BCOR: variants seen among roughly 807,000 people sequenced by gnomAD.
BCOR encodes the protein BCL6 corepressor.
Under a neutral mutation model 86.7 loss-of-function variants are expected in BCOR, and 10 were observed. The observed-to-expected ratio is 0.12, with a 90% CI of 0.07 to 0.20. The LOEUF (loss-of-function observed/expected upper bound fraction) is 0.20, where lower values mean the gene tolerates loss of function less well. BCOR is among the 10% of genes least tolerant of loss of function. The pLI, the probability that BCOR is intolerant of heterozygous loss-of-function variation, is 1.00. For synonymous variants in BCOR, 611 were observed against 609.0 expected, an observed-to-expected ratio of 1.00 and a Z score of -0.05; for missense variants, 1,259 against 1,452.1, an observed-to-expected ratio of 0.87 and a Z score of 2.16.
intron 3 of BCOR, 93 bp downstream of exon 3, chrX:40,076,361 T>G: frequency 2.9e-6 from 2 of 698,529 alleles, no homozygotes; most frequent in Non-Finnish European, 4.4e-6. Context: ...CCCTCCCCCA[T>G]TCCCCACCCT....
At chrX:40,175,985 C>A (rs1430932296) in intron 1 of BCOR, among the ~76,000 whole-genome samples, 3 of 112,725 alleles carry the variant, frequency 2.7e-5, no homozygotes, top group Admixed American at 9.3e-5. Context: ...AGGGAGAGTA[C>A]ATTTCGGGCC....
intron 3 of BCOR, 42 bp downstream of exon 3, chrX:40,076,412 G>A (rs752539023): frequency 3.1e-6 from 3 of 967,004 alleles, no homozygotes; most frequent in Non-Finnish European, 4.4e-6. Flanking sequence ...ACAGATCACT[G>A]ATATGCAGAT....
chrX:40,085,334 G>A (rs1936309989), intron 1 of BCOR, among the ~76,000 whole-genome samples: 1 of 112,703 alleles, frequency 8.9e-6, no homozygotes, highest in Admixed American at 9.4e-5. Context: ...AAGAGAGCTG[G>A]AAGGAGGGAA....
intron 1 of BCOR, among the ~76,000 whole-genome samples, chrX:40,092,616 A>G (rs1343654845): frequency 9.0e-6 from 1 of 111,390 alleles, no homozygotes; most frequent in Non-Finnish European, 1.9e-5. Flanking sequence ...ACTGACCACA[A>G]AGTGGAAAGC....
At chrX:40,143,317 G>A (rs1175601368) in intron 1 of BCOR, among the ~76,000 whole-genome samples, 2 of 111,837 alleles carry the variant, frequency 1.8e-5, no homozygotes, top group African/African-American at 6.5e-5. Flanking sequence ...TTTCTCTTCT[G>A]TTTCTAGCCC....
chrX:40,052,322 T>G lies in BCOR; in HGVS notation c.5055A>C (p.Pro1685=). 1 of 1,211,981 alleles carries G rather than the reference T, an allele frequency of 8.3e-7. No individual in the cohort carries two copies. The highest frequency in any genetic ancestry group is 1.1e-6 in the Non-Finnish European group (1 of 895,420). ...CTGCAATGGTGACAATTTCCACGTTTGGAAAATTGCAGCGAAATATGCGGG... is the reference window on the plus strand; with the variant it reads ...CTGCAATGGTGACAATTTCCACGTTGGGAAAATTGCAGCGAAATATGCGGG... ...MSSRIFRCNF[P]NVEIVTIAEA... Residue 1685 remains proline, a synonymous_variant, in exon 15 of 15, where the codon CCA becomes CCC. Transcript: ENST00000378444.
Position 40,097,449 on chromosome X carries a change from C to CCT in BCOR, c.-276_-275insAG, listed in dbSNP as rs1254481993. On this transcript the variant is annotated 5_prime_UTR_variant, in exon 1 of 15. Transcript: ENST00000378444. ...GCTGCCCGCAGCCCGCTCGCGGCGCCGCGCTCACTCGACTCCCTCGCCGTC... is the reference window on the plus strand; with the variant it reads ...GCTGCCCGCAGCCCGCTCGCGGCGCCCTGCGCTCACTCGACTCCCTCGCCGTC... 2 of 106,614 alleles carry CCT rather than the reference C, an allele frequency of 1.9e-5. No individual in the cohort carries two copies. Among genetic ancestry groups the CCT allele is most frequent in the African/African-American group, 6.8e-5 (2 of 29,620 alleles). 8.8% of individuals were successfully genotyped at this position (106,614 alleles called of 1,213,427 possible). A position where few individuals can be genotyped will look rare whatever the true frequency, so the allele number is the denominator to read the frequency against.
rs145663957 is a variant in BCOR at position 40,111,353 on chromosome X, A to G, written c.-40-33384T>C. 3.4e-3 allele frequency among the ~76,000 whole-genome samples: 376 copies of G among 111,433 alleles called. 1 individual carries two copies. The highest frequency in any genetic ancestry group is 0.012 in the African/African-American group (360 of 30,590). ...GTTCCCTATTTATCTGTTTCCCTGT[A>G]CACCTGGACTTCTTGAAAGAGGTGT... On this transcript the variant is annotated intron_variant, in intron 1 of 14. Transcript: ENST00000342274.
chrX:40,098,337 C>G (rs1371175104), upstream of BCOR, among the ~76,000 whole-genome samples: 1 of 109,749 alleles, frequency 9.1e-6, no homozygotes, highest in East Asian at 2.9e-4. Context: ...CTCCTCGTCC[C>G]CCGGCCTCCC....
At chrX:40,174,769 G>A (rs764486878) in intron 1 of BCOR, among the ~76,000 whole-genome samples, 2 of 112,939 alleles carry the variant, frequency 1.8e-5, no homozygotes, top group Non-Finnish European at 3.7e-5. Flanking sequence ...ATAGTGCTCA[G>A]CCCCGCACCT....
At chrX:40,058,198 C>G (rs748087892) in intron 10 of BCOR, among the ~76,000 whole-genome samples, 2 of 112,649 alleles carry the variant, frequency 1.8e-5, no homozygotes, top group Non-Finnish European at 3.7e-5. Flanking sequence ...AATCTCACTT[C>G]TTTGGCGTGT....
rs372074017 is a variant in BCOR, at chrX:40,105,983, C to T, written c.-40-28014G>A. On this transcript the variant is annotated intron_variant, in intron 1 of 14. Transcript: ENST00000342274. ...CACACTCATCTCCCCCTCAGCCCTA[C>T]TCTAGCCTCCGGCGGGGGACGGGAG... is the stretch of plus-strand genomic sequence containing the variant. 5.3e-5 allele frequency among the ~76,000 whole-genome samples: 6 copies of T among 113,181 alleles called. No individual in the cohort carries two copies. The South Asian group carries it at 1.4e-3, about 27-fold the overall frequency.
intron 1 of BCOR, among the ~76,000 whole-genome samples, chrX:40,081,190 C>A (rs964364540): frequency 9.0e-6 from 1 of 111,503 alleles, no homozygotes; most frequent in Non-Finnish European, 1.9e-5. Context: ...CCCTGGCTCA[C>A]AGGAGGCCCT....
intron 1 of BCOR, among the ~76,000 whole-genome samples, chrX:40,160,210 G>T (rs1396332967): frequency 9.1e-6 from 1 of 109,875 alleles, no homozygotes; most frequent in Non-Finnish European, 1.9e-5. Context: ...CCGCCTCCCG[G>T]ATTCACGCCA....
rs1195934888 is a variant in BCOR at position 40,051,700 on chromosome X, C to T, written c.*409G>A. The T allele has an allele frequency of 1.7e-5, 3 of 180,795 alleles. No individual in the cohort carries two copies. Among genetic ancestry groups the T allele is most frequent in the African/African-American group, 5.9e-5 (2 of 34,118 alleles). 14.9% of individuals were successfully genotyped at this position (180,795 alleles called of 1,213,427 possible). A position where few individuals can be genotyped will look rare whatever the true frequency, so the allele number is the denominator to read the frequency against. On this transcript the variant is annotated 3_prime_UTR_variant, in exon 15 of 15. Transcript: ENST00000378444. ...AAGTTATATCACCAAGTGCCTTCCC[C>T]GAATTCGCTCCCTCAAACCAACCAC...
intron 1 of BCOR, among the ~76,000 whole-genome samples, chrX:40,162,695 G>C (rs1382039061): frequency 8.9e-6 from 1 of 111,874 alleles, no homozygotes; most frequent in Non-Finnish European, 1.9e-5. Context: ...AAAATGATTA[G>C]ATTTTGGATT....
At chrX:40,068,765 T>A (rs1012934283) in intron 6 of BCOR, among the ~76,000 whole-genome samples, 2 of 113,210 alleles carry the variant, frequency 1.8e-5, no homozygotes, top group African/African-American at 6.4e-5. Context: ...TTGTTCAATT[T>A]CTAAATGAAA....
intron 14 of BCOR, among the ~76,000 whole-genome samples, chrX:40,052,758 G>A (rs1383512370): frequency 9.1e-6 from 1 of 109,391 alleles, no homozygotes; most frequent in Non-Finnish European, 1.9e-5. Context: ...TAGAGATGGG[G>A]TTTCACCATG....
At chrX:40,109,358 AG>A (rs1184059789) in intron 1 of BCOR, among the ~76,000 whole-genome samples, 2 of 110,901 alleles carry the variant, frequency 1.8e-5, no homozygotes. Flanking sequence ...AGGGCAGGAC[AG>A]AAACTCTGCA....
Sources: gnomAD v4.1 joint callset for allele counts (sites outside exome capture counted in the v4.1 genomes callset) on GRCh38, gnomAD v4.1.1 for gene constraint, MANE v1.5 for transcripts, NCBI Gene and HGNC (gene_info 2026-07-23, HGNC 2026-07-21) for gene names.